Variants in GRIK4 observed in about 807,000 individuals in gnomAD.
The protein encoded by GRIK4 is glutamate ionotropic receptor kainate type subunit 4, also known as glutamate receptor ionotropic, kainate 4.
In GRIK4, 40 loss-of-function variants were observed where a neutral mutation model predicts 104.9. The ratio of observed to expected loss-of-function variants is 0.38; its 90% CI spans 0.30 to 0.50. The LOEUF (loss-of-function observed/expected upper bound fraction) is 0.50. Ranked by LOEUF, GRIK4 falls within the 20% of genes least tolerant of loss-of-function variation. GRIK4 has a pLI of 0.93. For missense variants in GRIK4, 1,047 were observed against 1,308.1 expected (o/e 0.80, Z 3.08); for synonymous variants, 485 against 524.9 (o/e 0.92, Z 1.04).
intron 3 of GRIK4, among the ~76,000 whole-genome samples, chr11:120,739,650 A>G (rs2135405646): frequency 6.6e-6 from 1 of 152,274 alleles, no homozygotes; most frequent in East Asian, 1.9e-4. Flanking sequence ...GACATCTCTT[A>G]TTTCAACATA....
chr11:120,901,327 TCGCTGCATCCTGCCC>T (rs1444757709), intron 12 of GRIK4, among the ~76,000 whole-genome samples: 2 of 151,364 alleles, frequency 1.3e-5, no homozygotes, highest in African/African-American at 2.4e-5. Context: ...ATCCTGCCGC[TCGCTGCATCCTGCCC>T]CTCCCTGCCT....
chr11:120,620,835 C>T (rs1441102300), intron 1 of GRIK4, among the ~76,000 whole-genome samples: 2 of 152,124 alleles, frequency 1.3e-5, no homozygotes, highest in Non-Finnish European at 2.9e-5. Context: ...CACGATGTGC[C>T]GGGCATTGTG....
chr11:120,710,004 A>G (rs1950698494), intron 3 of GRIK4, among the ~76,000 whole-genome samples: 1 of 152,320 alleles, frequency 6.6e-6, no homozygotes, highest in South Asian at 2.1e-4. Flanking sequence ...CCACGCACAT[A>G]CAAAGCATCG....
intron 10 of GRIK4, among the ~76,000 whole-genome samples, chr11:120,874,697 G>T (rs1056349037): frequency 6.6e-6 from 1 of 152,222 alleles, no homozygotes; most frequent in Admixed American, 6.5e-5. Context: ...GAAGACTTCT[G>T]TCAGAGAAGC....
intron 1 of GRIK4, among the ~76,000 whole-genome samples, chr11:120,585,042 C>A (rs1047634723): frequency 6.6e-6 from 1 of 152,094 alleles, no homozygotes; most frequent in African/African-American, 2.4e-5. Context: ...GTGTCTGTGC[C>A]AGGTTTTGGT....
At chr11:120,932,423 T>C (rs1328079428) in intron 13 of GRIK4, among the ~76,000 whole-genome samples, 1 of 150,132 alleles carries the variant, frequency 6.7e-6, no homozygotes, top group Admixed American at 6.6e-5. Context: ...CAGCCCCATG[T>C]TACTCTCGGC....
chr11:120,961,657 G>A (rs1319116507), intron 17 of GRIK4, among the ~76,000 whole-genome samples: 3 of 152,320 alleles, frequency 2.0e-5, no homozygotes, highest in East Asian at 1.9e-4. Flanking sequence ...CTGCCACAGC[G>A]ATGTGTTCGC....
Position 120,637,069 on chromosome 11 carries a change from C to T in GRIK4, c.-158-16616C>T, listed in dbSNP as rs554006878. On this transcript the variant is annotated intron_variant, in intron 1 of 20. Coordinates refer to ENST00000527524, the MANE Select transcript of GRIK4 (RefSeq NM_014619.5). ...CCAGACGTAGGCATTTGATGGCCAG[C>T]AGGAGGGAAGAGTCGTGAAGAATAG... is the stretch of plus-strand genomic sequence containing the variant. Among the ~76,000 whole-genome samples, 10 of 151,292 alleles carry T rather than the reference C, an allele frequency of 6.6e-5. 1 individual carries two copies. The South Asian group carries it at 1.0e-3, about 16-fold the overall frequency.
chr11:120,748,757 A>G (rs1281123667), intron 3 of GRIK4, among the ~76,000 whole-genome samples: 1 of 152,142 alleles, frequency 6.6e-6, no homozygotes, highest in Non-Finnish European at 1.5e-5. Flanking sequence ...TCTTTGCATG[A>G]AAAAGATAAG....
intron 1 of GRIK4, among the ~76,000 whole-genome samples, chr11:120,598,997 C>T (rs997686156): frequency 5.3e-5 from 8 of 152,186 alleles, no homozygotes; most frequent in Non-Finnish European, 8.8e-5. Context: ...CCTGCAGGAA[C>T]GAGGAAGGCT....
At chr11:120,605,182 G>T (rs1948943989) in intron 1 of GRIK4, among the ~76,000 whole-genome samples, 3 of 152,160 alleles carry the variant, frequency 2.0e-5, no homozygotes, top group Admixed American at 6.5e-5. Context: ...ACTGATGACT[G>T]GCCAAGTTAG....
At chr11:120,625,515 G>T (rs1409948600) in intron 1 of GRIK4, among the ~76,000 whole-genome samples, 1 of 152,168 alleles carries the variant, frequency 6.6e-6, no homozygotes, top group Non-Finnish European at 1.5e-5. Context: ...GATTCTAAGT[G>T]TTGTTGCCTC....
intron 13 of GRIK4, among the ~76,000 whole-genome samples, chr11:120,935,238 G>A (rs1326536178): frequency 1.3e-5 from 2 of 152,124 alleles, no homozygotes; most frequent in African/African-American, 4.8e-5. Context: ...TTTGCCTAAG[G>A]TCGTGATGAG....
intron 1 of GRIK4, among the ~76,000 whole-genome samples, chr11:120,588,669 G>C (rs1948698622): frequency 1.3e-5 from 2 of 152,178 alleles, no homozygotes; most frequent in Admixed American, 1.3e-4. Flanking sequence ...TTTGGCGGCA[G>C]GGGATAGTAT....
intron 3 of GRIK4, among the ~76,000 whole-genome samples, chr11:120,668,101 G>GGATAGATA (rs60323501): frequency 0.017 from 2,412 of 144,182 alleles, 28 homozygotes; most frequent in East Asian, 0.033. Flanking sequence ...ATAGATAGAT[G>GGATAGATA]GATAGATAGA....
At chr11:120,760,659 T>C (rs532094027) in intron 3 of GRIK4, among the ~76,000 whole-genome samples, 1 of 152,082 alleles carries the variant, frequency 6.6e-6, no homozygotes, top group Non-Finnish European at 1.5e-5. Context: ...AACGTTCTCA[T>C]TGTTCAACTC....
chr11:120,577,049 C>A (rs542861232), intron 1 of GRIK4, among the ~76,000 whole-genome samples: 1 of 152,328 alleles, frequency 6.6e-6, no homozygotes, highest in East Asian at 1.9e-4. Flanking sequence ...AGAAATATTG[C>A]GCTTTAGCTG....
chr11:120,518,066 G>C (rs1003343333), intron 1 of GRIK4, among the ~76,000 whole-genome samples: 10 of 152,228 alleles, frequency 6.6e-5, no homozygotes, highest in African/African-American at 1.2e-4. Flanking sequence ...GCCTGGGGAG[G>C]CTGCTGAGAA....
chr11:120,960,246 T>C (rs775999340), intron 16 of GRIK4, among the ~76,000 whole-genome samples: 1 of 152,200 alleles, frequency 6.6e-6, no homozygotes, highest in Admixed American at 6.5e-5. Flanking sequence ...GGAGAATCAC[T>C]TGAATCCACG....
Sources: gnomAD v4.1 joint callset for allele counts (sites outside exome capture counted in the v4.1 genomes callset) on GRCh38, gnomAD v4.1.1 for gene constraint, MANE v1.5 for transcripts, NCBI Gene and HGNC (gene_info 2026-07-23, HGNC 2026-07-21) for gene names.